Variants in UGT1A4 observed in about 807,000 individuals in gnomAD.
UGT1A4 encodes the protein UDP glucuronosyltransferase family 1 member A4.
In UGT1A4, 32 loss-of-function variants were observed where a neutral mutation model predicts 41.1. The observed-to-expected ratio is 0.78, with a 90% CI of 0.59 to 1.05. UGT1A4 has a LOEUF of 1.05. Among genes scored for constraint, UGT1A4 ranks in the 50% least tolerant of loss-of-function variants. The pLI, the probability that UGT1A4 is intolerant of heterozygous loss-of-function variation, is 0.00. For synonymous variants in UGT1A4, 283 were observed against 265.1 expected (o/e 1.07, Z -0.66); for missense variants, 748 against 677.4 (o/e 1.10, Z -1.16).
chr2:233,755,291 C>G (rs1483791202), intron 1 of UGT1A4: 2 of 651,218 alleles, frequency 3.1e-6, no homozygotes, highest in Admixed American at 2.9e-5. Flanking sequence ...AAAGAGCCTG[C>G]GGGGCACTGG....
chr2:233,741,958 T>C (rs4663965), intron 1 of UGT1A4: 83,397 of 151,744 alleles, frequency 0.55, 25,208 homozygotes, highest in African/African-American at 0.8. Flanking sequence ...GGTACTTTCT[T>C]GTTGTGTTTA....
At chr2:233,756,915 T>C (rs571435889) in intron 1 of UGT1A4, among the ~76,000 whole-genome samples, 1 of 152,112 alleles carries the variant, frequency 6.6e-6, no homozygotes, top group East Asian at 1.9e-4. Context: ...ACTTCTGAGT[T>C]TATATAACCT....
rs1699908035 is a variant in UGT1A4, at chr2:233,769,628, A to G, written c.1307+1189A>G. 6.2e-7 allele frequency: 1 copy of G among 1,611,940 alleles called. No individual in the cohort carries two copies. The highest frequency in any genetic ancestry group is 8.5e-7 in the Non-Finnish European group (1 of 1,179,468). Reference sequence around the variant, plus strand: ...GACACACCAGCTTGAGCAAGGGACAACAGGGGAGGACTGATGACTGACTTC... The same window carrying G: ...GACACACCAGCTTGAGCAAGGGACAGCAGGGGAGGACTGATGACTGACTTC... On this transcript the variant is annotated intron_variant, in intron 4 of 4. Transcript: ENST00000373409. This position sits in a 1 kb window ranked among gnomAD's most constrained non-coding sequence, Gnocchi z 4.4.
At chr2:233,740,216 C>T (rs2125828149) in intron 1 of UGT1A4, among the ~76,000 whole-genome samples, 1 of 151,920 alleles carries the variant, frequency 6.6e-6, no homozygotes, top group Admixed American at 6.5e-5. Flanking sequence ...CCAGTCTCAG[C>T]TGCGTCTTTA....
intron 1 of UGT1A4, chr2:233,747,538 CATTTTCTAAAAGTATGGCAATTT>C (rs1393766304): frequency 6.2e-7 from 1 of 1,604,248 alleles, no homozygotes; most frequent in East Asian, 2.2e-5. Flanking sequence ...TTTCTGAAGA[CATTTTCTAAAAGTATGGCAATTT>C]TGAAAAATTC....
At chr2:233,724,982 C>A (rs1242883505) in intron 1 of UGT1A4, among the ~76,000 whole-genome samples, 1 of 134,788 alleles carries the variant, frequency 7.4e-6, no homozygotes. Context: ...GGATCACTCG[C>A]GGTTAGGGGC....
At chr2:233,723,213 CTTTT>C (rs201420005) in intron 1 of UGT1A4, among the ~76,000 whole-genome samples, 3 of 88,884 alleles carry the variant, frequency 3.4e-5, no homozygotes, top group African/African-American at 5.6e-5. Context: ...TCAAAACTGA[CTTTT>C]TTTTTTTTTT....
At chr2:233,727,741 T>C (rs1184923085) in intron 1 of UGT1A4, among the ~76,000 whole-genome samples, 1 of 152,232 alleles carries the variant, frequency 6.6e-6, no homozygotes, top group Non-Finnish European at 1.5e-5. Flanking sequence ...TGTGCCATCC[T>C]GCGTGTGCTG....
chr2:233,757,562 G>GATATATATA (rs1696648748), intron 1 of UGT1A4, among the ~76,000 whole-genome samples: 1 of 90,870 alleles, frequency 1.1e-5, no homozygotes, highest in African/African-American at 5.1e-5. Context: ...ATATATATAT[G>GATATATATA]TATATATGAT....
At chr2:233,736,597 C>G (rs1162489027) in intron 1 of UGT1A4, among the ~76,000 whole-genome samples, 1 of 152,166 alleles carries the variant, frequency 6.6e-6, no homozygotes, top group African/African-American at 2.4e-5. Flanking sequence ...TGCTTATGCG[C>G]TATGGTTTTT....
intron 1 of UGT1A4, among the ~76,000 whole-genome samples, chr2:233,728,333 C>G (rs2077701109): frequency 6.6e-6 from 1 of 152,198 alleles, no homozygotes; most frequent in Non-Finnish European, 1.5e-5. Context: ...CCAGCTCCCC[C>G]AGTCCCTTGG....
chr2:233,737,006 T>G (rs924545231), intron 1 of UGT1A4, among the ~76,000 whole-genome samples: 1 of 152,144 alleles, frequency 6.6e-6, no homozygotes, highest in African/African-American at 2.4e-5. Flanking sequence ...GGGACCCGCT[T>G]GAGGAGGCAG....
intron 1 of UGT1A4, among the ~76,000 whole-genome samples, chr2:233,751,420 G>C (rs1694723370): frequency 6.6e-6 from 1 of 152,164 alleles, no homozygotes; most frequent in Non-Finnish European, 1.5e-5. Context: ...TTTTGAGCTA[G>C]TGCTGAAATG....
At chr2:233,762,785 A>G (rs1698164172) in intron 1 of UGT1A4, among the ~76,000 whole-genome samples, 1 of 150,724 alleles carries the variant, frequency 6.6e-6, no homozygotes, top group Non-Finnish European at 1.5e-5. Context: ...CTGATTATCT[A>G]CTCATTACTC....
At chr2:233,761,270 C>G (rs990068200) in intron 1 of UGT1A4, 25 of 1,591,850 alleles carry the variant, frequency 1.6e-5, no homozygotes, top group Non-Finnish European at 2.1e-5. Flanking sequence ...AAAATGCCCT[C>G]TTTTGTTAAT....
At chr2:233,743,738 T>C in intron 1 of UGT1A4, 1 of 1,367,388 alleles carries the variant, frequency 7.3e-7, no homozygotes, top group Non-Finnish European at 9.8e-7. Flanking sequence ...ATCGCGTTTC[T>C]TGGCGTCCGA....
chr2:233,722,507 T>C lies in UGT1A4; in HGVS notation c.867+2820T>C, dbSNP rs188387982. 9.8e-5 allele frequency among the ~76,000 whole-genome samples: 15 copies of C among 152,358 alleles called. No individual in the cohort carries two copies. The East Asian group carries it at 1.5e-3, about 16-fold the overall frequency. On this transcript the variant is annotated intron_variant, in intron 1 of 4. Transcript: ENST00000373409. The stretch of plus-strand genomic sequence containing the variant: ...ACTGTTTCATTTTCCGTTTCGTTAA[T>C]TGCAGCTTATTTTTGCCTTAATGAT...
chr2:233,739,386 C>A (rs1247379490), intron 1 of UGT1A4, among the ~76,000 whole-genome samples: 2 of 152,188 alleles, frequency 1.3e-5, no homozygotes, highest in East Asian at 3.9e-4. Flanking sequence ...CCTGGAAGAG[C>A]CACAGACATC....
chr2:233,742,316 T>C lies in UGT1A4; in HGVS notation c.867+22629T>C, dbSNP rs962081179. On this transcript the variant is annotated intron_variant, in intron 1 of 4. Coordinates refer to ENST00000373409, the MANE Select transcript of UGT1A4 (RefSeq NM_007120.3). ...TTATAGATTAACTAAAAGTATTCCT[T>C]ACGGGAAACAAAGGGATGGGCTCTG... Among the ~76,000 whole-genome samples, 12 of 151,968 alleles carry C rather than the reference T, an allele frequency of 7.9e-5. 1 individual carries two copies. Among genetic ancestry groups the C allele is most frequent in the Admixed American group, 3.3e-4 (5 of 15,280 alleles).
Sources: allele counts gnomAD v4.1 joint callset (sites outside exome capture counted in the v4.1 genomes callset), GRCh38; gene constraint gnomAD v4.1.1; non-coding constraint Gnocchi (gnomAD v3.1); transcripts MANE v1.5; gene names NCBI Gene and HGNC (gene_info 2026-07-23, HGNC 2026-07-21).